The following PRKG1 variants were observed in gnomAD, a reference collection of about 807,000 sequenced individuals.
The protein encoded by PRKG1 is cGMP-dependent protein kinase 1.
A neutral mutation model predicts 88.1 loss-of-function variants in PRKG1; 35 were observed. The ratio of observed to expected loss-of-function variants is 0.40; its 90% CI spans 0.30 to 0.53. The LOEUF is 0.53. Ranked by LOEUF, PRKG1 falls within the 20% of genes least tolerant of loss-of-function variation. The pLI is 0.59. For synonymous variants in PRKG1, 303 were observed against 292.5 expected (o/e 1.04, Z -0.37); for missense variants, 540 against 839.8 (o/e 0.64, Z 4.41).
chr10:51,820,472 AC>A (rs1839713547), intron 4 of PRKG1, among the ~76,000 whole-genome samples: 1 of 152,062 alleles, frequency 6.6e-6, no homozygotes, highest in South Asian at 2.1e-4. Context: ...GTGTGGTAGG[AC>A]CTCTGTCCCC....
chr10:51,588,289 G>T (rs1838223083), intron 3 of PRKG1, among the ~76,000 whole-genome samples: 1 of 152,060 alleles, frequency 6.6e-6, no homozygotes, highest in Admixed American at 6.6e-5. Context: ...TGACATGATC[G>T]TATCAGTTTC....
At chr10:51,699,936 T>G (rs987818159) in intron 3 of PRKG1, among the ~76,000 whole-genome samples, 6 of 152,354 alleles carry the variant, frequency 3.9e-5, no homozygotes, top group Non-Finnish European at 8.8e-5. Flanking sequence ...AAAGGCGGTT[T>G]TGCTTCCGTT....
chr10:51,719,061 A>G (rs1284046081), intron 3 of PRKG1, among the ~76,000 whole-genome samples: 2 of 152,170 alleles, frequency 1.3e-5, no homozygotes, highest in African/African-American at 4.8e-5. Context: ...AGAAGGGAGC[A>G]TCACTTGAGC....
chr10:51,222,132 G>T (rs111884964), intron 2 of PRKG1, among the ~76,000 whole-genome samples: 3 of 25,762 alleles, frequency 1.2e-4, no homozygotes, highest in African/African-American at 6.2e-4. Context: ...GCCCCCCCCC[G>T]ACCCCAGCCT....
chr10:52,106,810 T>G (rs941951917), intron 7 of PRKG1, among the ~76,000 whole-genome samples: 2 of 151,500 alleles, frequency 1.3e-5, no homozygotes, highest in Admixed American at 1.3e-4. Context: ...TATTTTCAAT[T>G]CAAAAAAGCA....
intron 3 of PRKG1, among the ~76,000 whole-genome samples, chr10:51,726,488 C>T (rs539979536): frequency 3.9e-5 from 6 of 152,294 alleles, no homozygotes; most frequent in African/African-American, 1.4e-4. Flanking sequence ...ATTTGGGTGG[C>T]TGCATATGCA....
At chr10:51,547,848 C>A (rs1283272659) in intron 3 of PRKG1, among the ~76,000 whole-genome samples, 2 of 152,052 alleles carry the variant, frequency 1.3e-5, no homozygotes, top group Non-Finnish European at 2.9e-5. Flanking sequence ...CCTTTTGTAG[C>A]TTCCTTTCAA....
At chr10:51,549,150 G>T in intron 3 of PRKG1, among the ~76,000 whole-genome samples, 1 of 58,730 alleles carries the variant, frequency 1.7e-5, no homozygotes. Flanking sequence ...TTGAGACAGA[G>T]TCTTGCTCTG....
intron 3 of PRKG1, among the ~76,000 whole-genome samples, chr10:51,660,458 A>T (rs1402233733): frequency 6.6e-6 from 1 of 151,908 alleles, no homozygotes; most frequent in East Asian, 1.9e-4. Flanking sequence ...AAAAAAAAAG[A>T]CATTTCAATG....
chr10:52,160,803 T>A (rs1838257805), intron 8 of PRKG1, among the ~76,000 whole-genome samples: 1 of 152,076 alleles, frequency 6.6e-6, no homozygotes, highest in African/African-American at 2.4e-5. Flanking sequence ...AAATGTAATT[T>A]CTTACAGTAT....
intron 1 of PRKG1, among the ~76,000 whole-genome samples, chr10:51,115,967 AGAGGAGACC>A (rs1484522351): frequency 6.6e-6 from 1 of 152,196 alleles, no homozygotes; most frequent in Admixed American, 6.5e-5. Flanking sequence ...TTGTTCTTGT[AGAGGAGACC>A]GAGTACATGT....
At chr10:51,413,026 G>A (rs1035398207) in intron 2 of PRKG1, among the ~76,000 whole-genome samples, 6 of 152,248 alleles carry the variant, frequency 3.9e-5, no homozygotes, top group African/African-American at 1.4e-4. Flanking sequence ...TTAAAAACTT[G>A]GAAAAGACAT....
intron 2 of PRKG1, among the ~76,000 whole-genome samples, chr10:51,191,608 G>A (rs898355617): frequency 6.6e-6 from 1 of 151,792 alleles, no homozygotes; most frequent in Non-Finnish European, 1.5e-5. Context: ...GCCAGATACT[G>A]TGCTAAATGC....
chr10:52,291,800 T>C (rs1842254271), intron 17 of PRKG1, among the ~76,000 whole-genome samples: 1 of 151,890 alleles, frequency 6.6e-6, no homozygotes, highest in Non-Finnish European at 1.5e-5. Flanking sequence ...ATGGTATTTC[T>C]AGTTCTAGAT....
At chr10:51,677,464 TG>T (rs1840739471) in intron 3 of PRKG1, among the ~76,000 whole-genome samples, 1 of 152,212 alleles carries the variant, frequency 6.6e-6, no homozygotes. Flanking sequence ...GTGCAAAGTT[TG>T]GGATTTCTAT....
At chr10:51,771,525 A>G (rs1189461492) in intron 3 of PRKG1, among the ~76,000 whole-genome samples, 5 of 152,018 alleles carry the variant, frequency 3.3e-5, no homozygotes, top group Non-Finnish European at 5.9e-5. Context: ...TTTCCTATCT[A>G]ATTCTTTGTT....
chr10:51,507,516 C>T (rs1459863499), intron 3 of PRKG1, among the ~76,000 whole-genome samples: 1 of 151,996 alleles, frequency 6.6e-6, no homozygotes, highest in East Asian at 1.9e-4. Flanking sequence ...GGTTGGCTTG[C>T]TTTGTATCAT....
intron 3 of PRKG1, among the ~76,000 whole-genome samples, chr10:51,516,474 C>T (rs1269046768): frequency 6.6e-6 from 1 of 152,004 alleles, no homozygotes; most frequent in Non-Finnish European, 1.5e-5. Flanking sequence ...AGCAGGCACA[C>T]AGGGATAGAA....
At chr10:51,458,202 G>A (rs1839643488) in intron 2 of PRKG1, among the ~76,000 whole-genome samples, 1 of 152,138 alleles carries the variant, frequency 6.6e-6, no homozygotes, top group South Asian at 2.1e-4. Flanking sequence ...AATTCTCATG[G>A]TAGGAAATGT....
Sources: allele counts gnomAD v4.1 joint callset (sites outside exome capture counted in the v4.1 genomes callset), GRCh38; gene constraint gnomAD v4.1.1; transcripts MANE v1.5; gene names NCBI Gene and HGNC (gene_info 2026-07-23, HGNC 2026-07-21).